CDC42SE2: variants seen among roughly 807,000 people sequenced by gnomAD.
The protein encoded by CDC42SE2 is CDC42 small effector 2.
CDC42SE2 carries 3 observed loss-of-function variants against 11.5 expected under a neutral mutation model. That is an observed-to-expected ratio of 0.26 (90% CI 0.12 to 0.67). The LOEUF (loss-of-function observed/expected upper bound fraction) is 0.67, where lower values mean the gene tolerates loss of function less well. CDC42SE2 is among the 30% of genes least tolerant of loss of function. The pLI is 0.80. For missense variants in CDC42SE2, 82 were observed against 106.8 expected, an observed-to-expected ratio of 0.77 and a Z score of 1.02; for synonymous variants, 33 against 34.8, an observed-to-expected ratio of 0.95 and a Z score of 0.18.
At chr5:131,220,884 C>T in the CDC42SE2 span, among the ~76,000 whole-genome samples, 1 of 129,040 alleles carries the variant, frequency 7.7e-6, no homozygotes, top group Admixed American at 7.9e-5. Context: ...CACCAGAAAC[C>T]TTTTTTTTTT....
At chr5:131,374,426 G>A (rs1337093168) in intron 3 of CDC42SE2, among the ~76,000 whole-genome samples, 1 of 151,800 alleles carries the variant, frequency 6.6e-6, no homozygotes, top group Non-Finnish European at 1.5e-5. Flanking sequence ...AGCTACTTGG[G>A]AGGCTGAGGC....
At chr5:131,344,810 G>T (rs1758799993) in intron 2 of CDC42SE2, among the ~76,000 whole-genome samples, 1 of 152,218 alleles carries the variant, frequency 6.6e-6, no homozygotes, top group Non-Finnish European at 1.5e-5. Flanking sequence ...GCTTCCAGAA[G>T]AAGGATCAGA....
chr5:131,257,233 T>C (rs1580716302), intron 2 of CDC42SE2, among the ~76,000 whole-genome samples: 2 of 152,106 alleles, frequency 1.3e-5, no homozygotes, highest in Non-Finnish European at 2.9e-5. Flanking sequence ...TTCCAATTTT[T>C]ACTCACCATG....
chr5:131,364,467 A>G (rs1046418002), intron 3 of CDC42SE2, among the ~76,000 whole-genome samples: 16 of 152,224 alleles, frequency 1.1e-4, no homozygotes, highest in Admixed American at 1.0e-3. Flanking sequence ...ACCAAGGGCC[A>G]GTTCATGTTT....
intron 1 of CDC42SE2, among the ~76,000 whole-genome samples, chr5:131,264,986 T>C (rs1289179187): frequency 6.6e-6 from 1 of 152,232 alleles, no homozygotes; most frequent in Admixed American, 6.5e-5. Flanking sequence ...GCCTGGCTTA[T>C]AGTACGTGCT....
chr5:131,366,007 A>G (rs1182828624), intron 3 of CDC42SE2, among the ~76,000 whole-genome samples: 1 of 152,202 alleles, frequency 6.6e-6, no homozygotes, highest in Non-Finnish European at 1.5e-5. Context: ...TATTAGCCTT[A>G]TCAGTTGAGA....
chr5:131,285,026 T>G (rs145101507), intron 1 of CDC42SE2, among the ~76,000 whole-genome samples: 3,936 of 151,414 alleles, frequency 0.026, 154 homozygotes, highest in African/African-American at 0.087. Flanking sequence ...AGTGGCTCAT[T>G]CCTGTAATCC....
upstream of CDC42SE2, among the ~76,000 whole-genome samples, chr5:131,240,977 TG>T (rs1756535958): frequency 6.6e-6 from 1 of 152,020 alleles, no homozygotes; most frequent in African/African-American, 2.4e-5. Flanking sequence ...TTTTTGTTTT[TG>T]TTTTTGTTTT....
intron 2 of CDC42SE2, among the ~76,000 whole-genome samples, chr5:131,337,170 T>G (rs968595963): frequency 1.3e-5 from 2 of 152,246 alleles, no homozygotes; most frequent in Non-Finnish European, 2.9e-5. Flanking sequence ...TTCTGTTTGT[T>G]AGTTTTCCTT....
intron 2 of CDC42SE2, among the ~76,000 whole-genome samples, chr5:131,345,553 G>A (rs192107444): frequency 1.3e-5 from 2 of 152,252 alleles, no homozygotes; most frequent in Non-Finnish European, 2.9e-5. Flanking sequence ...GGGGAGAATG[G>A]AACCAAGCTG....
intron 1 of CDC42SE2, among the ~76,000 whole-genome samples, chr5:131,251,364 A>G (rs948713543): frequency 1.3e-5 from 2 of 152,204 alleles, no homozygotes; most frequent in African/African-American, 4.8e-5. Context: ...ATCATTTTCA[A>G]GAAAACTTTC....
At chr5:131,260,174 G>A (rs1580716959), upstream of CDC42SE2, among the ~76,000 whole-genome samples, 2 of 152,158 alleles carry the variant, frequency 1.3e-5, no homozygotes, top group East Asian at 3.8e-4. Context: ...TATTAAACTA[G>A]AAGAAAAGAT....
chr5:131,265,233 C>G (rs1328448301), intron 1 of CDC42SE2, among the ~76,000 whole-genome samples: 1 of 152,092 alleles, frequency 6.6e-6, no homozygotes, highest in Non-Finnish European at 1.5e-5. Flanking sequence ...TTTGGATTTT[C>G]TCTTTTGGTT....
chr5:131,235,496 G>A, the CDC42SE2 span, among the ~76,000 whole-genome samples: 4 of 151,712 alleles, frequency 2.6e-5, no homozygotes, highest in South Asian at 8.4e-4. Flanking sequence ...CACCATGTTG[G>A]CCAGGATGGT....
chr5:131,380,449 C>G (rs1750288739), intron 3 of CDC42SE2, among the ~76,000 whole-genome samples: 2 of 152,120 alleles, frequency 1.3e-5, no homozygotes. Context: ...GCCCAGCCAC[C>G]CGTGACTATT....
intron 2 of CDC42SE2, among the ~76,000 whole-genome samples, chr5:131,358,450 T>C (rs755443510): frequency 6.6e-6 from 1 of 152,136 alleles, no homozygotes; most frequent in Non-Finnish European, 1.5e-5. Context: ...GTATAGGATA[T>C]TATTGACTAA....
chr5:131,218,982 T>A, the CDC42SE2 span, among the ~76,000 whole-genome samples: 1 of 152,280 alleles, frequency 6.6e-6, no homozygotes. Context: ...AGATAGTGGA[T>A]AAATTTGAAA....
At chr5:131,218,841 A>G in the CDC42SE2 span, among the ~76,000 whole-genome samples, 1 of 152,204 alleles carries the variant, frequency 6.6e-6, no homozygotes, top group African/African-American at 2.4e-5. Flanking sequence ...CTGGTTAGAT[A>G]TAGATGTTCA....
chr5:131,263,840 A>G (rs1466373137), upstream of CDC42SE2: 1 of 151,854 alleles, frequency 6.6e-6, no homozygotes, highest in Non-Finnish European at 1.5e-5. Context: ...CCAATTCCTA[A>G]CCCGCGCGGC....
Sources: gnomAD v4.1 joint callset for allele counts (sites outside exome capture counted in the v4.1 genomes callset) on GRCh38, gnomAD v4.1.1 for gene constraint, MANE v1.5 for transcripts, NCBI Gene and HGNC (gene_info 2026-07-23, HGNC 2026-07-21) for gene names.